GALNT1: variants seen among roughly 807,000 people sequenced by gnomAD.
GALNT1 encodes polypeptide N-acetylgalactosaminyltransferase 1, also known as GalNAc transferase 1.
In GALNT1, 17 loss-of-function variants were observed where a neutral mutation model predicts 65.7. The observed-to-expected ratio is 0.26, with a 90% CI of 0.18 to 0.39. GALNT1 has a LOEUF of 0.39. GALNT1 is among the 10% of genes least tolerant of loss of function. The probability of loss-of-function intolerance (pLI) is 1.00; values close to 1 mark genes in which losing one functional copy is unlikely to be tolerated. For synonymous variants in GALNT1, 210 were observed against 219.7 expected, an observed-to-expected ratio of 0.96 and a Z score of 0.39; for missense variants, 460 against 672.8, an observed-to-expected ratio of 0.68 and a Z score of 3.50.
At chr18:35,650,750 C>T (rs2047300982) in intron 1 of GALNT1, among the ~76,000 whole-genome samples, 1 of 152,180 alleles carries the variant, frequency 6.6e-6, no homozygotes, top group East Asian at 1.9e-4. Flanking sequence ...TTAAGGTTAT[C>T]TTCCTTGTTC....
chr18:35,636,527 T>C (rs534612732), intron 1 of GALNT1, among the ~76,000 whole-genome samples: 6 of 152,336 alleles, frequency 3.9e-5, no homozygotes, highest in African/African-American at 1.4e-4. Flanking sequence ...TTGATGTTTC[T>C]TTGCCTGTCA....
At chr18:35,704,240 A>G (rs940348911) in intron 11 of GALNT1, among the ~76,000 whole-genome samples, 18 of 151,776 alleles carry the variant, frequency 1.2e-4, no homozygotes, top group African/African-American at 4.1e-4. Context: ...AACATCTTCA[A>G]TATTTCTTTC....
intron 9 of GALNT1, among the ~76,000 whole-genome samples, chr18:35,701,945 A>G (rs1048588693): frequency 6.6e-6 from 1 of 152,170 alleles, no homozygotes. Context: ...GCCTGGATAC[A>G]TTGTCTTACA....
At chr18:35,649,134 T>A (rs1238008121) in intron 1 of GALNT1, among the ~76,000 whole-genome samples, 1 of 152,216 alleles carries the variant, frequency 6.6e-6, no homozygotes, top group African/African-American at 2.4e-5. Flanking sequence ...GGGGAGAAAC[T>A]CCCCTGTTTT....
At chr18:35,588,872 A>G (rs1201484538) in intron 1 of GALNT1, among the ~76,000 whole-genome samples, 1 of 152,148 alleles carries the variant, frequency 6.6e-6, no homozygotes, top group Non-Finnish European at 1.5e-5. Flanking sequence ...TTGTTGTCAG[A>G]TAATTCTAAC....
intron 1 of GALNT1, among the ~76,000 whole-genome samples, chr18:35,634,425 T>G (rs140053198): frequency 2.6e-5 from 4 of 152,264 alleles, no homozygotes; most frequent in Non-Finnish European, 5.9e-5. Context: ...CTAGAAGGAC[T>G]CACATGATCC....
At chr18:35,631,136 T>C (rs2144198294) in intron 1 of GALNT1, among the ~76,000 whole-genome samples, 1 of 152,302 alleles carries the variant, frequency 6.6e-6, no homozygotes, top group South Asian at 2.1e-4. Context: ...AAGGAGGAGC[T>C]GGTACCATTC....
intron 1 of GALNT1, among the ~76,000 whole-genome samples, chr18:35,643,482 G>A (rs2047191428): frequency 6.6e-6 from 1 of 152,124 alleles, no homozygotes; most frequent in Non-Finnish European, 1.5e-5. Flanking sequence ...ACACATATCT[G>A]GCTGGGCACG....
rs112971873 is a variant in GALNT1 at position 35,666,919 on chromosome 18, C to CT, written c.314+3118dup. On this transcript the variant is annotated intron_variant, in intron 3 of 11. Transcript: ENST00000269195. ...TGAGTAGCCTTTTTATATCTTCACTCTATCTCTGGACTGATAACCTTTTTT... is the reference window on the plus strand; with the variant it reads ...TGAGTAGCCTTTTTATATCTTCACTCTTATCTCTGGACTGATAACCTTTTTT... Among the ~76,000 whole-genome samples the CT allele has an allele frequency of 6.4e-3, 971 of 151,946 alleles. 19 individuals are homozygous for CT. The highest frequency in any genetic ancestry group is 0.022 in the African/African-American group (922 of 41,410).
chr18:35,706,079 A>G (rs1443260934), intron 11 of GALNT1, among the ~76,000 whole-genome samples: 2 of 152,196 alleles, frequency 1.3e-5, no homozygotes, highest in Non-Finnish European at 2.9e-5. Flanking sequence ...TTGGTTTTCT[A>G]GTCGTTAGAG....
chr18:35,649,261 C>G (rs1286765766), intron 1 of GALNT1, among the ~76,000 whole-genome samples: 5 of 152,128 alleles, frequency 3.3e-5, no homozygotes, highest in African/African-American at 4.8e-5. Flanking sequence ...TTAATCAGTT[C>G]ATAGTGGTGT....
rs763528651 is a variant in GALNT1 at position 35,663,674 on chromosome 18, G to A, written c.186G>A (p.Gly62=). ...QKPHEGPGEM[G]KPVVIPKEDQ... is the part of the protein sequence containing the mutation. ...CTCATGAAGGTCCTGGAGAAATGGG[G>A]AAACCAGTCGTCATTCCTAAAGAGG... The change falls in exon 3 of 12, where the codon GGG becomes GGA. Residue 62 remains glycine, a synonymous_variant. Transcript: ENST00000269195. 2.5e-6 allele frequency: 4 copies of A among 1,613,876 alleles called. No individual in the cohort carries two copies. Among genetic ancestry groups the A allele is most frequent in the Non-Finnish European group, 1.7e-6 (2 of 1,179,956 alleles).
At position 35,707,702 on chromosome 18, in the gene GALNT1, A is replaced by G. The variant is rs147426424; in HGVS notation, c.1534-1922A>G. 2.6e-4 allele frequency among the ~76,000 whole-genome samples: 40 copies of G among 152,364 alleles called. No individual in the cohort carries two copies. The East Asian group carries it at 6.2e-3, about 23-fold the overall frequency. ...AGGTTAAGAGAGACCAACTCTCCCA[A>G]CTAAATTTTTTGTTGTGCCTAGTTG... On this transcript the variant is annotated intron_variant, in intron 11 of 11. Transcript: ENST00000269195.
At chr18:35,622,795 T>C (rs541138404) in intron 1 of GALNT1, among the ~76,000 whole-genome samples, 1 of 152,266 alleles carries the variant, frequency 6.6e-6, no homozygotes, top group Admixed American at 6.5e-5. Context: ...AAGACATTTA[T>C]CTTTGTCTTT....
intron 3 of GALNT1, among the ~76,000 whole-genome samples, chr18:35,667,681 T>G (rs73948111): frequency 0.015 from 2,358 of 152,254 alleles, 29 homozygotes; most frequent in African/African-American, 0.027. Flanking sequence ...TCCTTACAGT[T>G]TATTATTTGA....
At chr18:35,610,903 A>G (rs1308206316) in intron 1 of GALNT1, among the ~76,000 whole-genome samples, 2 of 152,248 alleles carry the variant, frequency 1.3e-5, no homozygotes, top group Non-Finnish European at 1.5e-5. Context: ...CATTCAGTCT[A>G]TTGATACTGC....
At chr18:35,693,842 T>C (rs56246602) in intron 9 of GALNT1, among the ~76,000 whole-genome samples, 16,312 of 152,066 alleles carry the variant, frequency 0.11, 1,161 homozygotes, top group African/African-American at 0.21. Flanking sequence ...TGAGGTCACC[T>C]GAGGAGGAGA....
At chr18:35,612,523 A>G (rs906968449) in intron 1 of GALNT1, among the ~76,000 whole-genome samples, 7 of 152,172 alleles carry the variant, frequency 4.6e-5, no homozygotes, top group Non-Finnish European at 7.4e-5. Context: ...ATTTCCAATT[A>G]ATATTAAAGT....
chr18:35,655,618 G>C (rs2047374189), intron 2 of GALNT1, among the ~76,000 whole-genome samples: 2 of 151,098 alleles, frequency 1.3e-5, no homozygotes, highest in Admixed American at 1.3e-4. Context: ...CTATACAGCA[G>C]TTCTACTATT....
Sources: gnomAD v4.1 joint callset for allele counts (sites outside exome capture counted in the v4.1 genomes callset) on GRCh38, gnomAD v4.1.1 for gene constraint, MANE v1.5 for transcripts, NCBI Gene and HGNC (gene_info 2026-07-23, HGNC 2026-07-21) for gene names.